Variants in RPS6KC1 observed in about 807,000 individuals in gnomAD.
The protein encoded by RPS6KC1 is inactive ribosomal protein S6 kinase delta-1.
A neutral mutation model predicts 103.8 loss-of-function variants in RPS6KC1; 54 were observed. The ratio of observed to expected loss-of-function variants is 0.52; its 90% CI spans 0.42 to 0.65. The LOEUF is 0.65. Ranked by LOEUF, RPS6KC1 falls within the 30% of genes least tolerant of loss-of-function variation. The pLI, the probability that RPS6KC1 is intolerant of heterozygous loss-of-function variation, is 0.00. For missense variants in RPS6KC1, 1,151 were observed against 1,253.8 expected (o/e 0.92, Z 1.24); for synonymous variants, 439 against 438.7 (o/e 1.00, Z -0.01).
At chr1:213,289,932 G>C in the RPS6KC1 span, among the ~76,000 whole-genome samples, 1 of 151,962 alleles carries the variant, frequency 6.6e-6, no homozygotes, top group Non-Finnish European at 1.5e-5. Flanking sequence ...CCAGCTACTC[G>C]GGAGGCTGAG....
At chr1:213,685,144 T>G in the RPS6KC1 span, among the ~76,000 whole-genome samples, 3 of 152,188 alleles carry the variant, frequency 2.0e-5, no homozygotes, top group Admixed American at 6.5e-5. Context: ...TGCTTGAGTC[T>G]TCTTCCTGCT....
chr1:213,403,289 C>T, the RPS6KC1 span, among the ~76,000 whole-genome samples: 1 of 152,276 alleles, frequency 6.6e-6, no homozygotes, highest in Admixed American at 6.5e-5. Context: ...CTGGGGAGTC[C>T]TGCTGGGAGA....
the RPS6KC1 span, among the ~76,000 whole-genome samples, chr1:213,473,324 C>T: frequency 6.6e-6 from 1 of 152,306 alleles, no homozygotes; most frequent in Non-Finnish European, 1.5e-5. Context: ...ATCTGCTATC[C>T]CCCAATAGTG....
chr1:213,199,056 A>G (rs2093056247), intron 8 of RPS6KC1, among the ~76,000 whole-genome samples: 1 of 152,228 alleles, frequency 6.6e-6, no homozygotes, highest in Non-Finnish European at 1.5e-5. Context: ...GCTAAATTCT[A>G]CAGATGTACA....
the RPS6KC1 span, among the ~76,000 whole-genome samples, chr1:213,475,881 C>A: frequency 1.1e-3 from 171 of 152,306 alleles, no homozygotes; most frequent in African/African-American, 3.9e-3. Flanking sequence ...AAGTTTGAAA[C>A]CTTGGAGTCT....
At chr1:213,323,170 T>C in the RPS6KC1 span, among the ~76,000 whole-genome samples, 1 of 152,064 alleles carries the variant, frequency 6.6e-6, no homozygotes, top group African/African-American at 2.4e-5. Context: ...GACCCTCCTC[T>C]TTCCCATATA....
At chr1:213,361,375 C>T in the RPS6KC1 span, among the ~76,000 whole-genome samples, 1 of 152,252 alleles carries the variant, frequency 6.6e-6, no homozygotes, top group African/African-American at 2.4e-5. Flanking sequence ...GATATAATCT[C>T]CTGGTGTGCT....
the RPS6KC1 span, among the ~76,000 whole-genome samples, chr1:213,838,871 T>A: frequency 6.6e-6 from 1 of 152,228 alleles, no homozygotes; most frequent in Non-Finnish European, 1.5e-5. Context: ...TCTGTCAAAA[T>A]TCTATGTTTA....
the RPS6KC1 span, among the ~76,000 whole-genome samples, chr1:213,281,348 T>C: frequency 6.6e-6 from 1 of 152,250 alleles, no homozygotes; most frequent in Non-Finnish European, 1.5e-5. Flanking sequence ...ACATGCTTTT[T>C]ATTGTCATCT....
the RPS6KC1 span, among the ~76,000 whole-genome samples, chr1:213,622,356 C>T: frequency 2.8e-4 from 42 of 151,754 alleles, no homozygotes; most frequent in South Asian, 8.3e-3. Context: ...GGGCATTTAT[C>T]CCTGAGAATG....
At chr1:213,842,577 A>G in the RPS6KC1 span, among the ~76,000 whole-genome samples, 1 of 152,310 alleles carries the variant, frequency 6.6e-6, no homozygotes, top group Non-Finnish European at 1.5e-5. Flanking sequence ...CCCAAGGCCA[A>G]TCCTCACCAG....
chr1:213,339,984 C>G, the RPS6KC1 span, among the ~76,000 whole-genome samples: 1 of 152,270 alleles, frequency 6.6e-6, no homozygotes, highest in African/African-American at 2.4e-5. Context: ...CCTCTGCCTC[C>G]TGGGTTCAAG....
chr1:213,804,255 A>G, the RPS6KC1 span, among the ~76,000 whole-genome samples: 1 of 151,672 alleles, frequency 6.6e-6, no homozygotes, highest in Non-Finnish European at 1.5e-5. Context: ...CACAATCAGG[A>G]AACGTGGTTG....
chr1:213,628,200 T>A, the RPS6KC1 span, among the ~76,000 whole-genome samples: 1 of 152,232 alleles, frequency 6.6e-6, no homozygotes, highest in Non-Finnish European at 1.5e-5. Context: ...TTTTCTAGTT[T>A]ATTTGCGTAG....
At chr1:213,177,187 G>T (rs752485757) in intron 8 of RPS6KC1, among the ~76,000 whole-genome samples, 1 of 152,038 alleles carries the variant, frequency 6.6e-6, no homozygotes, top group African/African-American at 2.4e-5. Flanking sequence ...GACATCTCAC[G>T]CCAAATATTA....
the RPS6KC1 span, chr1:213,836,097 G>C: frequency 1.3e-5 from 2 of 151,766 alleles, no homozygotes; most frequent in Non-Finnish European, 2.9e-5. Context: ...AAAGAAACAA[G>C]AGAATCAAAA....
intron 1 of RPS6KC1, among the ~76,000 whole-genome samples, chr1:213,066,905 G>C (rs1032574362): frequency 1.3e-5 from 2 of 152,148 alleles, no homozygotes; most frequent in Non-Finnish European, 2.9e-5. Flanking sequence ...TGAAAGTCAA[G>C]TTGGGAACTG....
intron 12 of RPS6KC1, among the ~76,000 whole-genome samples, chr1:213,249,194 A>G (rs894655955): frequency 2.6e-5 from 4 of 152,170 alleles, no homozygotes; most frequent in Non-Finnish European, 5.9e-5. Flanking sequence ...CCACTGCATT[A>G]TTATAAAGAA....
At chr1:213,353,133 G>A in the RPS6KC1 span, among the ~76,000 whole-genome samples, 2 of 152,196 alleles carry the variant, frequency 1.3e-5, no homozygotes, top group African/African-American at 2.4e-5. Flanking sequence ...CAGCTATAAT[G>A]TCAGTTCAGC....
Sources: allele counts gnomAD v4.1 joint callset (sites outside exome capture counted in the v4.1 genomes callset), GRCh38; gene constraint gnomAD v4.1.1; transcripts MANE v1.5; gene names NCBI Gene and HGNC (gene_info 2026-07-23, HGNC 2026-07-21).